Variants in ZNF469 observed in about 807,000 individuals in gnomAD.
The protein encoded by ZNF469 is zinc finger protein 469.
A neutral mutation model predicts 1.0 loss-of-function variants in ZNF469; 1 was observed. That is an observed-to-expected ratio of 1.00 (90% CI 0.35 to 4.73). The LOEUF (loss-of-function observed/expected upper bound fraction) is 4.73, where lower values mean the gene tolerates loss of function less well. Ranked by LOEUF, ZNF469 falls within the 30% of genes most tolerant of loss-of-function variation. The probability of loss-of-function intolerance (pLI) is 0.16; values close to 1 mark genes in which losing one functional copy is unlikely to be tolerated. For missense variants in ZNF469, 6,100 were observed against 5,356.3 expected (o/e 1.14, Z -4.33); for synonymous variants, 2,703 against 2,363.4 (o/e 1.14, Z -4.17).
chr16:88,323,994 T>A, the ZNF469 span, among the ~76,000 whole-genome samples: 1 of 152,180 alleles, frequency 6.6e-6, no homozygotes, highest in Non-Finnish European at 1.5e-5. Context: ...CTTATTTTGC[T>A]CACAAATCAA....
the ZNF469 span, among the ~76,000 whole-genome samples, chr16:88,350,239 C>T: frequency 6.6e-6 from 1 of 152,254 alleles, no homozygotes; most frequent in African/African-American, 2.4e-5. Flanking sequence ...TGAGCAGCCT[C>T]CCACAGCACT....
the ZNF469 span, among the ~76,000 whole-genome samples, chr16:88,288,099 A>G: frequency 1.3e-5 from 2 of 151,880 alleles, no homozygotes; most frequent in Non-Finnish European, 2.9e-5. Flanking sequence ...TGCTGCTCCA[A>G]TCTGGACTAG....
the ZNF469 span, among the ~76,000 whole-genome samples, chr16:88,358,740 A>AC: frequency 2.6e-5 from 4 of 151,446 alleles, no homozygotes; most frequent in Admixed American, 6.6e-5. Context: ...ATTTTTTGAG[A>AC]CCGAGTCTTG....
chr16:88,250,830 T>C, the ZNF469 span, among the ~76,000 whole-genome samples: 1 of 152,188 alleles, frequency 6.6e-6, no homozygotes, highest in Admixed American at 6.5e-5. Context: ...TCTGTTGTAG[T>C]TTCTGTTACT....
In ZNF469 at chr16:88,430,499, C is replaced by T. The variant is rs1906075903; in HGVS notation, c.3029C>T (p.Pro1010Leu). The T allele has an allele frequency of 1.4e-6, 2 of 1,420,944 alleles. No homozygotes were observed. The highest frequency in any genetic ancestry group is 9.1e-7 in the Non-Finnish European group (1 of 1,098,176). The allele number at this position is 1,420,944 out of a possible 1,614,324, so 88.0% of individuals were successfully genotyped here. A position where few individuals can be genotyped will look rare whatever the true frequency, so the allele number is the denominator to read the frequency against. The change falls in exon 3 of 3, where the codon CCC becomes CTC. Residue 1010 changes from proline to leucine, a missense_variant. Coordinates refer to ENST00000565624, the MANE Select transcript of ZNF469 (RefSeq NM_001367624.2). ...CCCGGGAGCCGCGCAGACCCCGCGCCCCGGGTCCCGAGAGCCGCCGCCCTC... is the reference window on the plus strand; with the variant it reads ...CCCGGGAGCCGCGCAGACCCCGCGCTCCGGGTCCCGAGAGCCGCCGCCCTC... ...QAPGSRADPA[P>L]RVPRAAALPE...
intron 1 of ZNF469, among the ~76,000 whole-genome samples, chr16:88,393,229 CAGCGGCCCTCCGTGCCCGGCCA>C (rs967209240): frequency 1.3e-5 from 2 of 152,266 alleles, no homozygotes; most frequent in Non-Finnish European, 2.9e-5. Flanking sequence ...GAAAAGCCGC[CAGCGGCCCTCCGTGCCCGGCCA>C]AGCGGTCACT....
At chr16:88,121,594 T>C in the ZNF469 span, among the ~76,000 whole-genome samples, 1 of 152,152 alleles carries the variant, frequency 6.6e-6, no homozygotes, top group Non-Finnish European at 1.5e-5. Flanking sequence ...TGGGCCACTG[T>C]GAGAGTTGAG....
chr16:88,295,654 G>A, the ZNF469 span, among the ~76,000 whole-genome samples: 2 of 152,126 alleles, frequency 1.3e-5, no homozygotes, highest in African/African-American at 2.4e-5. Context: ...TTGATACTAC[G>A]GCCTACACTC....
intron 1 of ZNF469, among the ~76,000 whole-genome samples, chr16:88,396,265 C>T (rs568851354): frequency 1.2e-4 from 19 of 152,378 alleles, no homozygotes; most frequent in African/African-American, 2.4e-4. Flanking sequence ...CAGACAGGGC[C>T]GGCAGGTATC....
At chr16:88,407,916 C>G (rs1035125745) in intron 1 of ZNF469, among the ~76,000 whole-genome samples, 1 of 152,254 alleles carries the variant, frequency 6.6e-6, no homozygotes, top group Non-Finnish European at 1.5e-5. Flanking sequence ...CCGGCCATGC[C>G]TGCACGTGTG....
the ZNF469 span, among the ~76,000 whole-genome samples, chr16:88,167,065 T>TC: frequency 7.2e-6 from 1 of 138,142 alleles, no homozygotes; most frequent in African/African-American, 2.8e-5. Flanking sequence ...TTTTTTTTTT[T>TC]TTTTTTTTTT....
the ZNF469 span, among the ~76,000 whole-genome samples, chr16:88,186,900 G>C: frequency 2.0e-5 from 3 of 152,020 alleles, no homozygotes; most frequent in Non-Finnish European, 4.4e-5. Context: ...TGGCTGCCGA[G>C]ATGCAGGACA....
Position 88,430,691 on chromosome 16 carries a change from C to T in ZNF469, c.3221C>T (p.Ser1074Phe). Residue 1074 changes from serine to phenylalanine, a missense_variant, in exon 3 of 3, where the codon TCC (serine) becomes TTC (phenylalanine). Transcript: ENST00000565624. ...RLGRRAGRCG[S>F]LAAGRPRPGA... ...GGGCGGCGGGCGGGCAGGTGCGGCT[C>T]CCTGGCGGCGGGGAGGCCCCGGCCC... is the stretch of plus-strand genomic sequence containing the variant. The T allele has an allele frequency of 6.7e-7, 1 of 1,486,550 alleles. No individual in the cohort carries two copies. The highest frequency in any genetic ancestry group is 1.3e-5 in the South Asian group (1 of 77,458). The allele number at this position is 1,486,550 out of a possible 1,614,324, so 92.1% of individuals were successfully genotyped here.
the ZNF469 span, among the ~76,000 whole-genome samples, chr16:88,260,623 A>T: frequency 1.3e-5 from 2 of 152,118 alleles, no homozygotes; most frequent in African/African-American, 4.8e-5. The surrounding 1 kb of genome is among the most constrained non-coding windows in gnomAD (Gnocchi z 4.1). Flanking sequence ...CTTCTCAATC[A>T]TGCTCGCGGC....
the ZNF469 span, among the ~76,000 whole-genome samples, chr16:88,232,041 C>G: frequency 1.3e-5 from 2 of 152,146 alleles, no homozygotes; most frequent in Non-Finnish European, 2.9e-5. Context: ...GGGCAGGCTC[C>G]TGGACCTGGA....
chr16:88,439,324 T>A lies in ZNF469; in HGVS notation c.11854T>A (p.Ser3952Thr), dbSNP rs1278520820. Reference protein sequence around the residue: ...GFKIPLKKDASE With the variant: ...GFKIPLKKDATE The stretch of plus-strand genomic sequence containing the variant: ...CAAAATCCCTTTAAAGAAAGATGCT[T>A]CCGAGTAATTTCTAGGAGCAAGAGC... The change falls in exon 3 of 3, where the codon TCC becomes ACC. Residue 3952 changes from serine (S) to threonine (T), a missense_variant. By Grantham distance (58) the Ser-to-Thr change is moderately conservative. Coordinates refer to ENST00000565624, the MANE Select transcript of ZNF469 (RefSeq NM_001367624.2). 1 of 1,550,266 alleles carries A rather than the reference T, an allele frequency of 6.5e-7. No individual in the cohort carries two copies. Among genetic ancestry groups the A allele is most frequent in the East Asian group, 2.4e-5 (1 of 40,918 alleles).
chr16:88,418,857 A>G lies in ZNF469; in HGVS notation c.-191-5950A>G, dbSNP rs181007286. Among the ~76,000 whole-genome samples, 312 of 152,350 alleles carry G rather than the reference A, an allele frequency of 2.0e-3. 2 individuals are homozygous for G. Among genetic ancestry groups the G allele is most frequent in the African/African-American group, 7.1e-3 (297 of 41,574 alleles). On this transcript the variant is annotated intron_variant, in intron 1 of 2. Transcript: ENST00000565624. ...AGCAAAGCGGCAGCGTTTGAAGCAA[A>G]AGGAAAGGAGAATGTTTGTGAAATA...
At chr16:88,293,758 C>A in the ZNF469 span, among the ~76,000 whole-genome samples, 1 of 152,134 alleles carries the variant, frequency 6.6e-6, no homozygotes, top group African/African-American at 2.4e-5. Context: ...AAATAATTAA[C>A]CTTCAAATAA....
At chr16:88,213,652 C>A in the ZNF469 span, among the ~76,000 whole-genome samples, 1 of 152,178 alleles carries the variant, frequency 6.6e-6, no homozygotes, top group African/African-American at 2.4e-5. Flanking sequence ...GTGCCTCCTC[C>A]TCCTCCCCCA....
Sources: gnomAD v4.1 joint callset for allele counts (sites outside exome capture counted in the v4.1 genomes callset) on GRCh38, gnomAD v4.1.1 for gene constraint, Gnocchi (gnomAD v3.1) non-coding constraint, MANE v1.5 for transcripts, NCBI Gene and HGNC (gene_info 2026-07-23, HGNC 2026-07-21) for gene names.